MACROD2: variants seen among roughly 807,000 people sequenced by gnomAD.
MACROD2 encodes ADP-ribose glycohydrolase MACROD2.
In MACROD2, 36 loss-of-function variants were observed where a neutral mutation model predicts 70.4. The observed-to-expected ratio is 0.51, with a 90% CI of 0.39 to 0.68. MACROD2 has a LOEUF of 0.68. MACROD2 is among the 30% of genes least tolerant of loss of function. The pLI is 0.00. For synonymous variants in MACROD2, 172 were observed against 178.8 expected (o/e 0.96, Z 0.30); for missense variants, 496 against 538.4 (o/e 0.92, Z 0.78).
chr20:14,856,819 G>A (rs6074807), intron 5 of MACROD2, among the ~76,000 whole-genome samples: 50,877 of 151,810 alleles, frequency 0.34, 9,321 homozygotes, highest in Non-Finnish European at 0.41. Context: ...GATGGTTGCC[G>A]CCACCATCAT....
chr20:15,627,869 C>T (rs535849155), intron 8 of MACROD2, among the ~76,000 whole-genome samples: 2 of 152,260 alleles, frequency 1.3e-5, no homozygotes, highest in South Asian at 4.1e-4. Context: ...CTAAAGTTAG[C>T]TTAGCCTAAG....
At chr20:14,491,194 A>G (rs1174106805) in intron 3 of MACROD2, among the ~76,000 whole-genome samples, 2 of 152,182 alleles carry the variant, frequency 1.3e-5, no homozygotes, top group Admixed American at 1.3e-4. Context: ...AAATAACAAT[A>G]AAGTTTCACC....
At chr20:14,047,916 A>C (rs989401536) in intron 2 of MACROD2, among the ~76,000 whole-genome samples, 1 of 152,208 alleles carries the variant, frequency 6.6e-6, no homozygotes, top group African/African-American at 2.4e-5. Context: ...AATATTTATA[A>C]AACTTCAAAA....
intron 8 of MACROD2, among the ~76,000 whole-genome samples, chr20:15,812,989 G>T (rs1192957758): frequency 6.6e-6 from 1 of 152,126 alleles, no homozygotes; most frequent in Non-Finnish European, 1.5e-5. Context: ...ACAGGTTCAG[G>T]TACCCCAGAA....
intron 8 of MACROD2, among the ~76,000 whole-genome samples, chr20:15,634,847 A>C (rs767182058): frequency 2.6e-5 from 4 of 152,220 alleles, no homozygotes; most frequent in Admixed American, 6.5e-5. Context: ...TGTTCTGACA[A>C]TTAGATGCAC....
At chr20:16,032,563 G>A (rs975498504) in intron 15 of MACROD2, among the ~76,000 whole-genome samples, 2 of 151,374 alleles carry the variant, frequency 1.3e-5, no homozygotes, top group Non-Finnish European at 1.5e-5. Flanking sequence ...GGCAGGGAAG[G>A]AGAGAAGGAG....
At chr20:14,832,081 G>C (rs1406020382) in intron 5 of MACROD2, among the ~76,000 whole-genome samples, 12 of 125,044 alleles carry the variant, frequency 9.6e-5, no homozygotes, top group African/African-American at 3.7e-4. Context: ...CTCGCTCTGT[G>C]GCCCAGGCTG....
intron 4 of MACROD2, among the ~76,000 whole-genome samples, chr20:14,666,813 C>T (rs2070741383): frequency 6.6e-6 from 1 of 151,788 alleles, no homozygotes; most frequent in Non-Finnish European, 1.5e-5. Context: ...AGCAGGATTG[C>T]TCTTGTTTCA....
At chr20:14,285,436 A>G (rs565399700) in intron 3 of MACROD2, among the ~76,000 whole-genome samples, 1 of 152,270 alleles carries the variant, frequency 6.6e-6, no homozygotes, top group African/African-American at 2.4e-5. Context: ...AGCATTTCAG[A>G]TTTTTAGATT....
chr20:14,995,528 A>T (rs576918039), intron 5 of MACROD2, among the ~76,000 whole-genome samples: 41 of 152,202 alleles, frequency 2.7e-4, no homozygotes, highest in African/African-American at 8.4e-4. Context: ...AAAATAAAAT[A>T]AAATTAATAA....
rs550668784 is a variant in MACROD2 at position 14,998,835 on chromosome 20, A to G, written c.419-231105A>G. Among the ~76,000 whole-genome samples, 3 of 152,318 alleles carry G rather than the reference A, an allele frequency of 2.0e-5. No homozygotes were observed. The East Asian group carries it at 5.8e-4, about 29-fold the overall frequency. On this transcript the variant is annotated intron_variant, in intron 5 of 17. Coordinates refer to ENST00000684519, the MANE Select transcript of MACROD2 (RefSeq NM_001351661.2). Reference sequence around the variant, plus strand: ...AGAAGACTACATCAAGGCATTTAATAGTCAAACTCCCAAAGGTCAAGGTTA... The same window carrying G: ...AGAAGACTACATCAAGGCATTTAATGGTCAAACTCCCAAAGGTCAAGGTTA...
chr20:14,077,052 C>T (rs531135656), intron 2 of MACROD2, among the ~76,000 whole-genome samples: 18 of 152,050 alleles, frequency 1.2e-4, no homozygotes, highest in Non-Finnish European at 1.8e-4. Flanking sequence ...TTGTAGAAAT[C>T]GTTAACAGGG....
intron 5 of MACROD2, among the ~76,000 whole-genome samples, chr20:15,195,536 A>T (rs1418442980): frequency 6.6e-6 from 1 of 152,032 alleles, no homozygotes; most frequent in East Asian, 1.9e-4. Context: ...GTGAGATACC[A>T]TCTGATGCCA....
chr20:14,138,151 G>A (rs541437481), intron 3 of MACROD2, among the ~76,000 whole-genome samples: 1 of 152,286 alleles, frequency 6.6e-6, no homozygotes, highest in Non-Finnish European at 1.5e-5. Flanking sequence ...ATACATTGTT[G>A]TTGGGAATGT....
At chr20:15,792,346 A>G (rs1196201763) in intron 8 of MACROD2, among the ~76,000 whole-genome samples, 1 of 152,180 alleles carries the variant, frequency 6.6e-6, no homozygotes, top group African/African-American at 2.4e-5. Flanking sequence ...CACAGAGCAC[A>G]AAAGAGAAAA....
rs546076465 is a variant in MACROD2 at position 15,916,270 on chromosome 20, C to G, written c.776-17006C>G. ...ACAGCACTCCCTTGCCATGGGGGCT[C>G]TCTATAGAGGATGCGTGTCCTCATG... On this transcript the variant is annotated intron_variant, in intron 10 of 17. Transcript: ENST00000684519. Among the ~76,000 whole-genome samples the G allele has an allele frequency of 2.6e-5, 4 of 152,300 alleles. No homozygotes were observed. In the South Asian group the frequency reaches 8.3e-4, roughly 32 times the overall value.
intron 13 of MACROD2, among the ~76,000 whole-genome samples, chr20:15,972,299 C>CA (rs1002376608): frequency 6.6e-6 from 1 of 151,836 alleles, no homozygotes; most frequent in Non-Finnish European, 1.5e-5. Flanking sequence ...GAGAAAGGGA[C>CA]AGAAAAAATA....
At chr20:15,445,390 TCTAA>T (rs1055234792) in intron 7 of MACROD2, among the ~76,000 whole-genome samples, 1 of 152,108 alleles carries the variant, frequency 6.6e-6, no homozygotes, top group East Asian at 1.9e-4. Flanking sequence ...CTCCCTAAAA[TCTAA>T]CTAAGTCCTA....
intron 4 of MACROD2, among the ~76,000 whole-genome samples, chr20:14,583,266 A>G (rs1981160604): frequency 6.6e-6 from 1 of 152,112 alleles, no homozygotes; most frequent in Non-Finnish European, 1.5e-5. Context: ...TTCCTAACCC[A>G]CAGACCGTTA....
Sources: gnomAD v4.1 joint callset for allele counts (sites outside exome capture counted in the v4.1 genomes callset) on GRCh38, gnomAD v4.1.1 for gene constraint, MANE v1.5 for transcripts, NCBI Gene and HGNC (gene_info 2026-07-23, HGNC 2026-07-21) for gene names.